The following S100A8 variants were observed in gnomAD, a reference collection of about 807,000 sequenced individuals.
S100A8 encodes protein S100-A8.
In S100A8, 1 loss-of-function variant was observed where a neutral mutation model predicts 4.2. The observed-to-expected ratio is 0.24, with a 90% CI of 0.08 to 1.12. The LOEUF (loss-of-function observed/expected upper bound fraction) is 1.12. Among genes scored for constraint, S100A8 ranks in the 50% most tolerant of loss-of-function variants. The pLI is 0.53. For synonymous variants in S100A8, 41 were observed against 44.7 expected (o/e 0.92, Z 0.33); for missense variants, 96 against 111.8 (o/e 0.86, Z 0.64).
chr1:153,411,931 T>C, the S100A8 span, among the ~76,000 whole-genome samples: 4 of 152,226 alleles, frequency 2.6e-5, no homozygotes, highest in Admixed American at 1.3e-4. Flanking sequence ...CTAACCCATA[T>C]GTAGAAAGCT....
chr1:153,412,192 A>G, the S100A8 span, among the ~76,000 whole-genome samples: 1 of 152,218 alleles, frequency 6.6e-6, no homozygotes. Flanking sequence ...CAGAGTGAAC[A>G]GGCAACCTAC....
At chr1:153,390,275 T>A in intron 2 of S100A8, 32 bp from the exon 3 acceptor site, 1 of 1,604,786 alleles carries the variant, frequency 6.2e-7, no homozygotes, top group Non-Finnish European at 8.5e-7. Flanking sequence ...AAGCCAGAGT[T>A]TAAAGATCTC....
chr1:153,402,616 G>A, the S100A8 span, among the ~76,000 whole-genome samples: 1 of 152,186 alleles, frequency 6.6e-6, no homozygotes, highest in African/African-American at 2.4e-5. Flanking sequence ...AGCAGGATGG[G>A]AAGCCACTAA....
the S100A8 span, among the ~76,000 whole-genome samples, chr1:153,407,215 T>C: frequency 2.6e-5 from 4 of 152,212 alleles, no homozygotes; most frequent in African/African-American, 9.6e-5. Flanking sequence ...ATACTTTTCA[T>C]AGCCAAGGGA....
chr1:153,422,459 TG>T, the S100A8 span: 1 of 937,894 alleles, frequency 1.1e-6, no homozygotes, highest in Non-Finnish European at 1.3e-6. Flanking sequence ...TAATAGCTAC[TG>T]GACATTATAT....
chr1:153,408,770 G>A, the S100A8 span, among the ~76,000 whole-genome samples: 4 of 152,226 alleles, frequency 2.6e-5, no homozygotes, highest in African/African-American at 9.6e-5. Flanking sequence ...CACACTAACA[G>A]AGGATCTCTT....
At chr1:153,394,136 C>T (rs1662163968), upstream of S100A8, among the ~76,000 whole-genome samples, 1 of 152,162 alleles carries the variant, frequency 6.6e-6, no homozygotes, top group South Asian at 2.1e-4. Flanking sequence ...GGGAGCGGAA[C>T]CTGGTCATGT....
chr1:153,393,798 C>A (rs76326780), upstream of S100A8, among the ~76,000 whole-genome samples: 1,389 of 152,314 alleles, frequency 9.1e-3, 10 homozygotes, highest in Middle Eastern at 0.027. Flanking sequence ...TCCCAGCAAC[C>A]TAGTGATGTG....
chr1:153,421,336 C>T, the S100A8 span: 2 of 152,188 alleles, frequency 1.3e-5, no homozygotes, highest in Non-Finnish European at 2.9e-5. Context: ...CCACTCTTAC[C>T]ATAGTGGCTA....
At chr1:153,398,921 C>T in the S100A8 span, among the ~76,000 whole-genome samples, 4 of 152,192 alleles carry the variant, frequency 2.6e-5, no homozygotes, top group Non-Finnish European at 5.9e-5. Flanking sequence ...CTTTCAGTTC[C>T]AGTCCTACAC....
At chr1:153,392,067 T>C (rs1362396473), upstream of S100A8, among the ~76,000 whole-genome samples, 1 of 152,118 alleles carries the variant, frequency 6.6e-6, no homozygotes, top group African/African-American at 2.4e-5. Flanking sequence ...GTTTCTGTTG[T>C]TACAAAGAAA....
At chr1:153,418,328 A>G in the S100A8 span, 2 of 1,486,324 alleles carry the variant, frequency 1.3e-6, no homozygotes, top group African/African-American at 2.8e-5. Context: ...CTGATTAAAA[A>G]GTTTCCCATT....
chr1:153,416,087 T>G, the S100A8 span, among the ~76,000 whole-genome samples: 5 of 152,196 alleles, frequency 3.3e-5, no homozygotes, highest in Non-Finnish European at 5.9e-5. Flanking sequence ...TGTCTTGATG[T>G]CTAGACATTA....
At chr1:153,415,377 G>A in the S100A8 span, among the ~76,000 whole-genome samples, 8 of 152,148 alleles carry the variant, frequency 5.3e-5, no homozygotes, top group Non-Finnish European at 1.2e-4. Context: ...GCCCCAGAGT[G>A]CTTAAAGGGC....
chr1:153,404,390 C>T, the S100A8 span, among the ~76,000 whole-genome samples: 1 of 152,172 alleles, frequency 6.6e-6, no homozygotes, highest in Non-Finnish European at 1.5e-5. Context: ...CAACCAGCCC[C>T]ATCCTGAAGC....
chr1:153,403,957 G>T, the S100A8 span, among the ~76,000 whole-genome samples: 49 of 152,064 alleles, frequency 3.2e-4, 2 homozygotes, highest in Non-Finnish European at 2.9e-5. Context: ...GCACCTGACC[G>T]CCCATACTTC....
chr1:153,402,539 C>T, the S100A8 span, among the ~76,000 whole-genome samples: 64 of 152,258 alleles, frequency 4.2e-4, no homozygotes, highest in African/African-American at 1.2e-3. Flanking sequence ...CCCAGAAAGA[C>T]AGGAGATGAG....
chr1:153,414,809 TACACA>T, the S100A8 span, among the ~76,000 whole-genome samples: 1 of 152,236 alleles, frequency 6.6e-6, no homozygotes, highest in Non-Finnish European at 1.5e-5. Flanking sequence ...AAAACCTGCA[TACACA>T]TGTATATGAA....
At chr1:153,401,004 C>T in the S100A8 span, among the ~76,000 whole-genome samples, 1 of 152,222 alleles carries the variant, frequency 6.6e-6, no homozygotes, top group Non-Finnish European at 1.5e-5. Flanking sequence ...GCAGACTGCA[C>T]TCCTTTTCAC....
Sources: gnomAD v4.1 joint callset for allele counts (sites outside exome capture counted in the v4.1 genomes callset) on GRCh38, gnomAD v4.1.1 for gene constraint, MANE v1.5 for transcripts, NCBI Gene and HGNC (gene_info 2026-07-23, HGNC 2026-07-21) for gene names.